TAB1: variants seen among roughly 807,000 people sequenced by gnomAD.
TAB1 encodes TGF-beta-activated kinase 1 and MAP3K7-binding protein 1.
In TAB1, 30 loss-of-function variants were observed where a neutral mutation model predicts 54.5. The ratio of observed to expected loss-of-function variants is 0.55; its 90% CI spans 0.41 to 0.75. The LOEUF (loss-of-function observed/expected upper bound fraction) is 0.75, where lower values mean the gene tolerates loss of function less well. Ranked by LOEUF, TAB1 falls within the 30% of genes least tolerant of loss-of-function variation. The pLI is 0.00. For synonymous variants in TAB1, 289 were observed against 286.9 expected, an observed-to-expected ratio of 1.01 and a Z score of -0.07; for missense variants, 609 against 683.2, an observed-to-expected ratio of 0.89 and a Z score of 1.21.
chr22:39,427,912 C>A, intron 9 of TAB1, 109 bp from the exon 10 acceptor site: 1 of 1,137,772 alleles, frequency 8.8e-7, no homozygotes, highest in Non-Finnish European at 1.2e-6. Flanking sequence ...CCGCCACCCA[C>A]ACTCAGCCCT....
At chr22:39,429,484 T>A in intron 10 of TAB1, 1 of 640,846 alleles carries the variant, frequency 1.6e-6, no homozygotes, top group South Asian at 7.0e-5. Flanking sequence ...CCATTTTCTT[T>A]CCATTTTTTT....
At position 39,426,885 on chromosome 22, in the gene TAB1, G is replaced by T; in HGVS notation, c.1104G>T (p.Pro368=). 1 of 1,612,684 alleles carries T rather than the reference G, an allele frequency of 6.2e-7. No individual in the cohort carries two copies. The highest frequency in any genetic ancestry group is 8.5e-7 in the Non-Finnish European group (1 of 1,179,910). Residue 368 remains proline (P), a synonymous_variant, in exon 9 of 11, where the codon CCG becomes CCT. Coordinates refer to ENST00000216160, the MANE Select transcript of TAB1 (RefSeq NM_006116.3). ...MTLLVRNFGY[P]LGEMSQPTPS... ...TGCTAGTGAGGAACTTTGGCTACCC[G>T]CTGGGCGAAATGAGCCAGCCCACAC...
At chr22:39,404,291 AAAG>A (rs1926270668) in intron 1 of TAB1, among the ~76,000 whole-genome samples, 1 of 152,230 alleles carries the variant, frequency 6.6e-6, no homozygotes, top group Non-Finnish European at 1.5e-5. Context: ...TAATTATAAA[AAAG>A]AAAATCAGGC....
chr22:39,428,030 G>A lies in TAB1; in HGVS notation c.1154G>A (p.Gly385Glu). 6.3e-7 allele frequency: 1 copy of A among 1,593,822 alleles called. No individual in the cohort carries two copies. The highest frequency in any genetic ancestry group is 1.7e-5 in the Admixed American group (1 of 59,012). Residue 385 changes from glycine (G) to glutamate (E), a missense_variant, in exon 10 of 11, where the codon GGA (glycine) becomes GAA (glutamate). By Grantham distance (98) the Gly-to-Glu change is moderately conservative (BLOSUM62 -2). Transcript: ENST00000216160. ...PTPSPAPAAG[G>E]RVYPVSVPYS... ...TCTCTTCCTCCCAAAGCTGCAGGAGGACGAGTGTACCCTGTGTCTGTGCCA... is the reference window on the plus strand; with the variant it reads ...TCTCTTCCTCCCAAAGCTGCAGGAGAACGAGTGTACCCTGTGTCTGTGCCA...
chr22:39,424,438 C>CTTTT (rs762665225), intron 8 of TAB1, among the ~76,000 whole-genome samples: 131 of 89,432 alleles, frequency 1.5e-3, no homozygotes, highest in Non-Finnish European at 1.6e-3. Flanking sequence ...GTTCTGATTT[C>CTTTT]TTTTTTTTTT....
chr22:39,436,027 C>T (rs901177240), downstream of TAB1, among the ~76,000 whole-genome samples: 2 of 152,198 alleles, frequency 1.3e-5, no homozygotes, highest in Non-Finnish European at 2.9e-5. Flanking sequence ...CACGGTGGCT[C>T]ACGCCTATAA....
Position 39,430,437 on chromosome 22 carries a change from T to TTCC in TAB1, c.*219_*221dup. 7.0e-7 allele frequency: 1 copy of TTCC among 1,423,010 alleles called. No individual in the cohort carries two copies. The highest frequency in any genetic ancestry group is 9.2e-7 in the Non-Finnish European group (1 of 1,089,322). The allele number at this position is 1,423,010 out of a possible 1,614,324, so 88.1% of individuals were successfully genotyped here. On this transcript the variant is annotated 3_prime_UTR_variant, in exon 11 of 11. Coordinates refer to ENST00000216160, the MANE Select transcript of TAB1 (RefSeq NM_006116.3). ...CACCACCCGGGAAGCTGAAGGCCACTTCCTCCCAGATGGCCTCAGCCAGGA... is the reference window on the plus strand; with the variant it reads ...CACCACCCGGGAAGCTGAAGGCCACTTCCTCCTCCCAGATGGCCTCAGCCAGGA...
At chr22:39,436,512 G>A (rs778423823), downstream of TAB1, 26 of 1,613,952 alleles carry the variant, frequency 1.6e-5, no homozygotes, top group African/African-American at 9.3e-5. Context: ...GCCTGCAAGC[G>A]ATTTGACAGC....
chr22:39,402,705 A>G (rs1400828850), intron 1 of TAB1, among the ~76,000 whole-genome samples: 1 of 152,058 alleles, frequency 6.6e-6, no homozygotes, highest in Non-Finnish European at 1.5e-5. Context: ...GGTGTGCACC[A>G]CCACACCAGC....
intron 7 of TAB1, among the ~76,000 whole-genome samples, chr22:39,420,478 C>T (rs537386626): frequency 2.0e-4 from 31 of 152,194 alleles, no homozygotes; most frequent in Non-Finnish European, 2.9e-4. Flanking sequence ...TTCCCAAAGC[C>T]AGAGTTCCCA....
In TAB1 at chr22:39,427,913, ACT is replaced by A. The variant is rs1453073453; in HGVS notation, c.1145-106_1145-105del. The A allele has an allele frequency of 1.4e-5, 16 of 1,146,972 alleles. 1 individual carries two copies. The African/African-American group carries it at 2.2e-4, about 15-fold the overall frequency. 71.0% of individuals were successfully genotyped at this position (1,146,972 alleles called of 1,614,324 possible). A position where few individuals can be genotyped will look rare whatever the true frequency, so the allele number is the denominator to read the frequency against. On this transcript the variant is annotated intron_variant, in intron 9 of 10. Transcript: ENST00000216160. ...GGAGCCAGGCATGGCCGCCACCCAC[ACT>A]CAGCCCTCAGGCACCACCCCATCAG...
chr22:39,436,598 C>T (rs745385612), downstream of TAB1: 21 of 1,558,090 alleles, frequency 1.3e-5, no homozygotes, highest in Non-Finnish European at 1.8e-5. Context: ...CCAAGGGGCC[C>T]TCTGGGAGCT....
rs1317166235 is a variant in TAB1, at chr22:39,418,837, C to T, written c.656C>T (p.Ser219Leu). The T allele has an allele frequency of 9.3e-6, 15 of 1,613,484 alleles. No individual in the cohort carries two copies. Among genetic ancestry groups the T allele is most frequent in the Admixed American group, 6.7e-5 (4 of 59,986 alleles). Reference sequence around the variant, plus strand: ...AACGAGGATGAGCTCTTCCGTCTTTCGCAGCTGGGTGAGTGGGGAGAGTGG... The same window carrying T: ...AACGAGGATGAGCTCTTCCGTCTTTTGCAGCTGGGTGAGTGGGGAGAGTGG... Reference protein sequence around the residue: ...TENEDELFRLSQLGLDAGKIK... With the variant: ...TENEDELFRLLQLGLDAGKIK... Residue 219 changes from serine to leucine, a missense_variant, in exon 6 of 11, where the codon TCG becomes TTG. Ser to Leu is a moderately radical substitution (Grantham distance 145). Transcript: ENST00000216160.
At chr22:39,418,033 G>A (rs1177455730) in intron 5 of TAB1, among the ~76,000 whole-genome samples, 184 bp downstream of exon 5, 3 of 152,226 alleles carry the variant, frequency 2.0e-5, no homozygotes, top group Admixed American at 6.5e-5. Context: ...GAGAAAGGAC[G>A]GGATGGGAGA....
In TAB1 at chr22:39,419,330, G is replaced by A. The variant is rs1926970913; in HGVS notation, c.665-189G>A. Reference sequence around the variant, plus strand: ...GGACGGGCTCTGAGTGAGGTGTGTCGTGATGGGCGTGGGGACTGAGGACAC... The same window carrying A: ...GGACGGGCTCTGAGTGAGGTGTGTCATGATGGGCGTGGGGACTGAGGACAC... On this transcript the variant is annotated intron_variant, in intron 6 of 10. Transcript: ENST00000216160. Among the ~76,000 whole-genome samples, 12 of 152,326 alleles carry A rather than the reference G, an allele frequency of 7.9e-5. 1 individual carries two copies. In the South Asian group the frequency reaches 2.1e-3, roughly 26 times the overall value.
At chr22:39,404,898 A>G (rs186861430) in intron 1 of TAB1, among the ~76,000 whole-genome samples, 1 of 152,292 alleles carries the variant, frequency 6.6e-6, no homozygotes, top group Non-Finnish European at 1.5e-5. Context: ...CTGGTCTCAG[A>G]GAAGTGGGTC....
intron 1 of TAB1, among the ~76,000 whole-genome samples, chr22:39,413,074 C>T (rs554278361): frequency 1.3e-5 from 2 of 151,828 alleles, no homozygotes; most frequent in Admixed American, 6.6e-5. Context: ...GCCACCACAC[C>T]CGGCTAGTTT....
chr22:39,428,042 C>T lies in TAB1; in HGVS notation c.1166C>T (p.Pro389Leu). 1.2e-6 allele frequency: 2 copies of T among 1,609,968 alleles called. No homozygotes were observed. The highest frequency in any genetic ancestry group is 1.7e-6 in the Non-Finnish European group (2 of 1,176,884). The change falls in exon 10 of 11, where the codon CCT becomes CTT. Residue 389 changes from proline to leucine, a missense_variant. Coordinates refer to ENST00000216160, the MANE Select transcript of TAB1 (RefSeq NM_006116.3). ...AAAGCTGCAGGAGGACGAGTGTACCCTGTGTCTGTGCCATACTCCAGCGCC... is the reference window on the plus strand; with the variant it reads ...AAAGCTGCAGGAGGACGAGTGTACCTTGTGTCTGTGCCATACTCCAGCGCC... ...PAPAAGGRVY[P>L]VSVPYSSAQS...
At chr22:39,426,001 G>A (rs1927318242) in intron 8 of TAB1, among the ~76,000 whole-genome samples, 1 of 151,862 alleles carries the variant, frequency 6.6e-6, no homozygotes, top group Non-Finnish European at 1.5e-5. Context: ...GGGATTACAG[G>A]CATGTGCCAC....
Sources: allele counts gnomAD v4.1 joint callset (sites outside exome capture counted in the v4.1 genomes callset), GRCh38; gene constraint gnomAD v4.1.1; transcripts MANE v1.5; gene names NCBI Gene and HGNC (gene_info 2026-07-23, HGNC 2026-07-21).